Variants in TNRC18 observed in about 807,000 individuals in gnomAD.
TNRC18 encodes trinucleotide repeat containing 18, also known as trinucleotide repeat-containing gene 18 protein.
Under a neutral mutation model 226.7 loss-of-function variants are expected in TNRC18, and 69 were observed. That is an observed-to-expected ratio of 0.30 (90% confidence interval 0.25 to 0.37). The LOEUF is 0.37. Among genes scored for constraint, TNRC18 ranks in the 10% least tolerant of loss-of-function variants. TNRC18 has a pLI of 1.00. For synonymous variants in TNRC18, 2,449 were observed against 1,927.6 expected, an observed-to-expected ratio of 1.27 and a Z score of -7.09; for missense variants, 4,754 against 4,256.6, an observed-to-expected ratio of 1.12 and a Z score of -3.25.
In TNRC18 at chr7:5,362,009, C is replaced by G. The variant is rs748775676; in HGVS notation, c.4420G>C (p.Glu1474Gln). 2 of 1,613,584 alleles carry G rather than the reference C, an allele frequency of 1.2e-6. No homozygotes were observed. Among genetic ancestry groups the G allele is most frequent in the Non-Finnish European group, 1.7e-6 (2 of 1,179,748 alleles). ...ERMYAMKSSL[E>Q]DMDALELDFR... ...TCCAGCTCCAGGGCGTCCATGTCCT[C>G]CAGGGAGGACTTCATGGCATACATC... Residue 1474 changes from glutamate (E) to glutamine (Q), a missense_variant, in exon 13 of 30, where the codon GAG becomes CAG. Physicochemically the swap from Glu to Gln is conservative, Grantham distance 29. Coordinates refer to ENST00000430969, the MANE Select transcript of TNRC18 (RefSeq NM_001080495.3).
intron 3 of TNRC18, 81 bp from the exon 4 acceptor site, chr7:5,390,709 C>G: frequency 1.4e-6 from 2 of 1,428,380 alleles, no homozygotes; most frequent in Non-Finnish European, 1.8e-6. Flanking sequence ...TGGAAATAAA[C>G]TATTTTGGCA....
At chr7:5,321,395 C>G (rs916555721) in intron 21 of TNRC18, among the ~76,000 whole-genome samples, 1 of 152,120 alleles carries the variant, frequency 6.6e-6, no homozygotes, top group Non-Finnish European at 1.5e-5. Context: ...TACAGGGTGC[C>G]GTGGCCAGCC....
chr7:5,390,628 C>G lies in TNRC18; in HGVS notation c.344G>C (p.Gly115Ala), dbSNP rs376850448. The change falls in exon 4 of 30, where the codon GGC (glycine) becomes GCC (alanine). Residue 115 changes from glycine to alanine, a missense_variant and splice_region_variant. Coordinates refer to ENST00000430969, the MANE Select transcript of TNRC18 (RefSeq NM_001080495.3). ...VQLWAAHAHEGFSHLPSGLYP... is the reference protein window; with the variant it reads ...VQLWAAHAHEAFSHLPSGLYP... Reference sequence around the variant, plus strand: ...CAGCCCACTGGGCAGGTGGGAGAAGCCTGTAACAGAAAAGAGAAAAGCTGG... The same window carrying G: ...CAGCCCACTGGGCAGGTGGGAGAAGGCTGTAACAGAAAAGAGAAAAGCTGG... 28 of 1,549,486 alleles carry G rather than the reference C, an allele frequency of 1.8e-5. No homozygotes were observed. The highest frequency in any genetic ancestry group is 2.3e-5 in the Non-Finnish European group (26 of 1,148,140).
intron 10 of TNRC18, among the ~76,000 whole-genome samples, chr7:5,371,827 T>A (rs1794184568): frequency 6.6e-6 from 1 of 152,012 alleles, no homozygotes; most frequent in African/African-American, 2.4e-5. Flanking sequence ...TCCCAGCACT[T>A]TAGGAGGCCA....
chr7:5,344,530 C>A (rs1583847027), intron 18 of TNRC18, among the ~76,000 whole-genome samples: 1 of 152,106 alleles, frequency 6.6e-6, no homozygotes. Flanking sequence ...TTCCAAGACA[C>A]TGGAGGTCAG....
chr7:5,345,143 G>A (rs532517344), intron 18 of TNRC18, among the ~76,000 whole-genome samples: 27 of 152,206 alleles, frequency 1.8e-4, no homozygotes, highest in Admixed American at 1.1e-3. Context: ...TCTTTCTACC[G>A]TGACGTGGCT....
At position 5,316,111 on chromosome 7, in the gene TNRC18, C is replaced by G. The variant is rs772286089; in HGVS notation, c.6746-39G>C. On this transcript the variant is annotated intron_variant, in intron 24 of 29. Transcript: ENST00000430969. The stretch of plus-strand genomic sequence containing the variant: ...GGAGGCTCAGGGGAGGCCCTCGGAC[C>G]TCCAGCTCCCTAGTGACGCACAAGG... 2.6e-6 allele frequency: 4 copies of G among 1,518,006 alleles called. No individual in the cohort carries two copies. In the South Asian group the frequency reaches 4.6e-5, roughly 18 times the overall value. The allele number at this position is 1,518,006 out of a possible 1,614,324, so 94.0% of individuals were successfully genotyped here.
At chr7:5,310,209 A>T (rs1302452251) in intron 27 of TNRC18, among the ~76,000 whole-genome samples, 1 of 150,666 alleles carries the variant, frequency 6.6e-6, no homozygotes, top group Non-Finnish European at 1.5e-5. Flanking sequence ...GGCCTTTTTT[A>T]TCTTTTAAAA....
chr7:5,369,156 T>C (rs1283884695), intron 11 of TNRC18, among the ~76,000 whole-genome samples: 5 of 152,144 alleles, frequency 3.3e-5, no homozygotes, highest in African/African-American at 1.2e-4. Context: ...GAGACCAGCC[T>C]GGCCAACATG....
In TNRC18 at chr7:5,421,138, G is replaced by A; in HGVS notation, c.109C>T (p.Arg37Cys). 2.8e-6 allele frequency: 4 copies of A among 1,439,984 alleles called. No individual in the cohort carries two copies. The highest frequency in any genetic ancestry group is 3.7e-6 in the Non-Finnish European group (4 of 1,092,062). 89.2% of individuals were successfully genotyped at this position (1,439,984 alleles called of 1,614,324 possible). The change falls in exon 2 of 30, where the codon CGC becomes TGC. Residue 37 changes from arginine (R) to cysteine (C), a missense_variant. Arg to Cys is a radical substitution (Grantham distance 180). Coordinates refer to ENST00000430969, the MANE Select transcript of TNRC18 (RefSeq NM_001080495.3). ...CCGGGCAAGCCCGAGGCGGGCAAGC[G>A]TCCGGCAGTGGCCGCGCCCACGCGG... ...SHRVGAATAGRLPASGLPGPL... is the reference protein window; with the variant it reads ...SHRVGAATAGCLPASGLPGPL...
In TNRC18 at chr7:5,390,423, A is replaced by G. The variant is rs546086508; in HGVS notation, c.487+62T>C. 9.4e-6 allele frequency: 15 copies of G among 1,595,478 alleles called. No homozygotes were observed. The East Asian group carries it at 2.9e-4, about 31-fold the overall frequency. ...GCTGGGGGCTACCTGGATGCTGCCA[A>G]AGGCCCCAGAAGCCTCTCAGAAGGC... is the stretch of plus-strand genomic sequence containing the variant. On this transcript the variant is annotated intron_variant, in intron 4 of 29. Coordinates refer to ENST00000430969, the MANE Select transcript of TNRC18 (RefSeq NM_001080495.3).
At chr7:5,326,674 GCGGGTGCCTGTAATCTCAGCTACT>G (rs1241141753) in intron 19 of TNRC18, among the ~76,000 whole-genome samples, 2 of 152,172 alleles carry the variant, frequency 1.3e-5, no homozygotes, top group Non-Finnish European at 2.9e-5. Context: ...GGGCATGGTG[GCGGGTGCCTGTAATCTCAGCTACT>G]CGGGTGGCTG....
At chr7:5,337,031 C>G (rs1382128976) in intron 18 of TNRC18, among the ~76,000 whole-genome samples, 1 of 152,184 alleles carries the variant, frequency 6.6e-6, no homozygotes, top group Non-Finnish European at 1.5e-5. Flanking sequence ...TGTTGGGTGT[C>G]AGATAAACAC....
chr7:5,409,435 CA>C lies in TNRC18; in HGVS notation c.187+11624del, dbSNP rs1781695742. 2.6e-5 allele frequency among the ~76,000 whole-genome samples: 4 copies of C among 151,678 alleles called. No individual in the cohort carries two copies. In the South Asian group the frequency reaches 8.3e-4, roughly 32 times the overall value. On this transcript the variant is annotated intron_variant, in intron 2 of 29. Coordinates refer to ENST00000430969, the MANE Select transcript of TNRC18 (RefSeq NM_001080495.3). ...GCTCAAATTTAAAAATTAAATTCGA[CA>C]AAAACTAGCCAGGCGTGGTGGCGCA...
At chr7:5,354,014 C>T (rs1265666537) in intron 16 of TNRC18, among the ~76,000 whole-genome samples, 2 of 152,050 alleles carry the variant, frequency 1.3e-5, no homozygotes, top group African/African-American at 4.8e-5. Context: ...ACCAGCCTGG[C>T]CAATGTGGTG....
In TNRC18 at chr7:5,308,204, T is replaced by C; in HGVS notation, c.8809A>G (p.Lys2937Glu). 1.2e-6 allele frequency: 2 copies of C among 1,610,174 alleles called. No individual in the cohort carries two copies. The highest frequency in any genetic ancestry group is 8.5e-7 in the Non-Finnish European group (1 of 1,178,806). The change falls in exon 30 of 30, where the codon AAG becomes GAG. Residue 2937 changes from lysine (K) to glutamate (E), a missense_variant. Coordinates refer to ENST00000430969, the MANE Select transcript of TNRC18 (RefSeq NM_001080495.3). ...EQYEQMLKTK[K>E]YQDSEGLYYL... ...TACAGGCCCTCGCTGTCCTGGTACTTCTTGGTCTTCAGCATCTGCTCATAC... is the reference window on the plus strand; with the variant it reads ...TACAGGCCCTCGCTGTCCTGGTACTCCTTGGTCTTCAGCATCTGCTCATAC...
intron 21 of TNRC18, 97 bp from the exon 22 acceptor site, chr7:5,321,287 G>A: frequency 1.1e-6 from 1 of 895,866 alleles, no homozygotes; most frequent in South Asian, 1.6e-5. Context: ...TTGGAATGGA[G>A]GCCCTGGTAC....
At chr7:5,420,859 G>A (rs914633393) in intron 2 of TNRC18, 3 of 753,250 alleles carry the variant, frequency 4.0e-6, no homozygotes, top group Non-Finnish European at 6.9e-6. Context: ...CTACGGAAAA[G>A]GTAGCCGAGC....
rs141233378 is a variant in TNRC18 at position 5,367,050 on chromosome 7, A to C, written c.4219+3325T>G. Among the ~76,000 whole-genome samples the C allele has an allele frequency of 4.0e-3, 616 of 152,272 alleles. 7 individuals carry two copies. The highest frequency in any genetic ancestry group is 0.014 in the African/African-American group (588 of 41,570). Reference sequence around the variant, plus strand: ...TCATGACAGTGGGCCTTCATTCCGTAAGGCTGGTGTCCTAATAGGGTGGAG... The same window carrying C: ...TCATGACAGTGGGCCTTCATTCCGTCAGGCTGGTGTCCTAATAGGGTGGAG... On this transcript the variant is annotated intron_variant, in intron 11 of 29. Coordinates refer to ENST00000430969, the MANE Select transcript of TNRC18 (RefSeq NM_001080495.3).
Sources: allele counts gnomAD v4.1 joint callset (sites outside exome capture counted in the v4.1 genomes callset), GRCh38; gene constraint gnomAD v4.1.1; transcripts MANE v1.5; gene names NCBI Gene and HGNC (gene_info 2026-07-23, HGNC 2026-07-21).